Variants in SNTB1 observed in about 807,000 individuals in gnomAD.
The protein encoded by SNTB1 is syntrophin beta 1, also known as beta-1-syntrophin.
A neutral mutation model predicts 48.9 loss-of-function variants in SNTB1; 36 were observed. The ratio of observed to expected loss-of-function variants is 0.74; its 90% confidence interval spans 0.56 to 0.97. The LOEUF (loss-of-function observed/expected upper bound fraction) is 0.97. Among genes scored for constraint, SNTB1 ranks in the 50% least tolerant of loss-of-function variants. The pLI is 0.00. For missense variants in SNTB1, 786 were observed against 703.4 expected (o/e 1.12, Z -1.33); for synonymous variants, 299 against 294.6 (o/e 1.01, Z -0.15).
chr8:120,707,565 T>A (rs764209673), intron 1 of SNTB1, among the ~76,000 whole-genome samples: 1 of 152,184 alleles, frequency 6.6e-6, no homozygotes. Flanking sequence ...TGGGCCTTTG[T>A]TGTTTTTTAA....
At chr8:120,587,471 T>A (rs1816166893) in intron 3 of SNTB1, among the ~76,000 whole-genome samples, 1 of 152,210 alleles carries the variant, frequency 6.6e-6, no homozygotes, top group Non-Finnish European at 1.5e-5. Context: ...CTGGAAATTC[T>A]CACCTTGTGT....
intron 1 of SNTB1, among the ~76,000 whole-genome samples, chr8:120,809,581 A>T (rs902296078): frequency 6.6e-6 from 1 of 152,140 alleles, no homozygotes; most frequent in African/African-American, 2.4e-5. Context: ...AAAGTATGGT[A>T]CCTAAAATAA....
chr8:120,698,461 C>T (rs1019273918), intron 1 of SNTB1, among the ~76,000 whole-genome samples: 2 of 151,890 alleles, frequency 1.3e-5, no homozygotes, highest in Admixed American at 6.6e-5. Context: ...TCCACACATC[C>T]GTTCTTAAAA....
At chr8:120,596,028 T>C (rs1816316630) in intron 3 of SNTB1, among the ~76,000 whole-genome samples, 2 of 152,212 alleles carry the variant, frequency 1.3e-5, no homozygotes, top group South Asian at 2.1e-4. Context: ...CATGTGTTTC[T>C]GTGTGTGTTC....
intron 3 of SNTB1, among the ~76,000 whole-genome samples, chr8:120,622,729 G>A (rs1816813109): frequency 6.6e-6 from 1 of 152,040 alleles, no homozygotes; most frequent in Admixed American, 6.5e-5. Flanking sequence ...CCACCTAAAG[G>A]TCCCATATAC....
chr8:120,705,502 G>A (rs1378083665), intron 1 of SNTB1, among the ~76,000 whole-genome samples: 1 of 152,200 alleles, frequency 6.6e-6, no homozygotes, highest in Non-Finnish European at 1.5e-5. Context: ...ACAGGGGTAA[G>A]ATTTGGGTTC....
intron 2 of SNTB1, among the ~76,000 whole-genome samples, chr8:120,659,258 C>A (rs758567918): frequency 3.3e-5 from 5 of 152,146 alleles, no homozygotes; most frequent in Admixed American, 6.5e-5. Flanking sequence ...GCCATCATGC[C>A]TGGCTATTTT....
At chr8:120,731,897 C>T (rs1037171885) in intron 1 of SNTB1, among the ~76,000 whole-genome samples, 7 of 152,228 alleles carry the variant, frequency 4.6e-5, no homozygotes, top group East Asian at 1.9e-4. Flanking sequence ...TCAGTATTCC[C>T]GAATGCTATA....
At chr8:120,734,376 G>A (rs746663266) in intron 1 of SNTB1, among the ~76,000 whole-genome samples, 188 of 151,194 alleles carry the variant, frequency 1.2e-3, no homozygotes, top group Non-Finnish European at 2.4e-3. Context: ...GAACCCGGGA[G>A]TCAGAGGTTG....
chr8:120,738,505 C>G (rs73323116), intron 1 of SNTB1, among the ~76,000 whole-genome samples: 19,721 of 151,638 alleles, frequency 0.13, 1,673 homozygotes, highest in African/African-American at 0.23. Flanking sequence ...TAGAGAGGCT[C>G]ATTGACCTTT....
At chr8:120,799,551 G>A (rs967935020) in intron 1 of SNTB1, among the ~76,000 whole-genome samples, 4 of 151,552 alleles carry the variant, frequency 2.6e-5, no homozygotes, top group African/African-American at 9.7e-5. Context: ...CAATACAAGA[G>A]TTGTACATAA....
intron 2 of SNTB1, among the ~76,000 whole-genome samples, chr8:120,656,123 A>C (rs147003357): frequency 4.0e-4 from 61 of 152,330 alleles, no homozygotes; most frequent in African/African-American, 1.3e-3. Flanking sequence ...CTATTGCCTG[A>C]AACTACAATC....
At chr8:120,696,426 TAGAG>T (rs1818211794) in intron 1 of SNTB1, among the ~76,000 whole-genome samples, 1 of 152,204 alleles carries the variant, frequency 6.6e-6, no homozygotes, top group South Asian at 2.1e-4. Flanking sequence ...GGAAGAAGGA[TAGAG>T]AAAGAACATT....
chr8:120,572,659 G>C (rs13264768), intron 4 of SNTB1, among the ~76,000 whole-genome samples: 99,308 of 151,776 alleles, frequency 0.65, 33,417 homozygotes, highest in Admixed American at 0.74. Flanking sequence ...GAGGCCGAGG[G>C]AGGAAGATCA....
intron 2 of SNTB1, among the ~76,000 whole-genome samples, chr8:120,641,184 G>A (rs1817189684): frequency 6.6e-6 from 1 of 152,124 alleles, no homozygotes; most frequent in African/African-American, 2.4e-5. Context: ...GTCTCCCAAA[G>A]TTCTCACTGT....
intron 1 of SNTB1, among the ~76,000 whole-genome samples, chr8:120,757,581 G>A (rs962584546): frequency 6.6e-6 from 1 of 152,136 alleles, no homozygotes; most frequent in African/African-American, 2.4e-5. Flanking sequence ...TAGGAAGCAC[G>A]AGTATTCAGT....
intron 3 of SNTB1, among the ~76,000 whole-genome samples, chr8:120,603,260 C>T (rs568236376): frequency 1.8e-4 from 27 of 152,052 alleles, no homozygotes; most frequent in Non-Finnish European, 3.4e-4. Context: ...CCACCATGCC[C>T]GGGTAATTTT....
At chr8:120,706,708 C>G (rs77246837) in intron 1 of SNTB1, among the ~76,000 whole-genome samples, 1 of 152,114 alleles carries the variant, frequency 6.6e-6, no homozygotes, top group African/African-American at 2.4e-5. Context: ...TGAAACTTTA[C>G]GTCAAAAGCA....
At chr8:120,596,303 C>T (rs767563939) in intron 3 of SNTB1, among the ~76,000 whole-genome samples, 2 of 152,200 alleles carry the variant, frequency 1.3e-5, no homozygotes, top group Non-Finnish European at 2.9e-5. Context: ...AATCAGAGAC[C>T]AGAATATCAA....
Sources: gnomAD v4.1 joint callset for allele counts (sites outside exome capture counted in the v4.1 genomes callset) on GRCh38, gnomAD v4.1.1 for gene constraint, MANE v1.5 for transcripts, NCBI Gene and HGNC (gene_info 2026-07-23, HGNC 2026-07-21) for gene names.